The following MEGF10 variants were observed in gnomAD, a reference collection of about 807,000 sequenced individuals.
MEGF10 encodes the protein multiple EGF like domains 10, also known as multiple epidermal growth factor-like domains protein 10.
MEGF10 carries 86 observed loss-of-function variants against 147.5 expected under a neutral mutation model. The ratio of observed to expected loss-of-function variants is 0.58; its 90% confidence interval spans 0.49 to 0.70. MEGF10 has a LOEUF of 0.70. MEGF10 is among the 30% of genes least tolerant of loss of function. MEGF10 has a pLI of 0.00. For missense variants in MEGF10, 1,329 were observed against 1,487.3 expected (o/e 0.89, Z 1.75); for synonymous variants, 478 against 525.5 (o/e 0.91, Z 1.24).
At chr5:127,345,075 T>C (rs766005740) in intron 4 of MEGF10, among the ~76,000 whole-genome samples, 2 of 152,200 alleles carry the variant, frequency 1.3e-5, no homozygotes, top group African/African-American at 2.4e-5. Flanking sequence ...TAGTCTTTCA[T>C]GTAGATTCAC....
At chr5:127,247,349 A>G in the MEGF10 span, among the ~76,000 whole-genome samples, 3 of 1,982 alleles carry the variant, frequency 1.5e-3, no homozygotes, top group African/African-American at 2.0e-3. Context: ...AAGAAGAAGA[A>G]GAAGAAGAAG....
chr5:127,391,250 G>T (rs1763681338), intron 5 of MEGF10, among the ~76,000 whole-genome samples: 1 of 151,830 alleles, frequency 6.6e-6, no homozygotes, highest in Non-Finnish European at 1.5e-5. Flanking sequence ...ATAAGGATGT[G>T]GTAATTTACT....
intron 5 of MEGF10, among the ~76,000 whole-genome samples, chr5:127,381,934 G>C (rs1268295183): frequency 6.6e-6 from 1 of 152,212 alleles, no homozygotes; most frequent in African/African-American, 2.4e-5. Flanking sequence ...GCCTCCCAAA[G>C]TGTTGGGATT....
the MEGF10 span, among the ~76,000 whole-genome samples, chr5:127,265,676 A>G: frequency 1.3e-5 from 2 of 152,080 alleles, no homozygotes; most frequent in Admixed American, 1.3e-4. Flanking sequence ...GCCAGTGGTG[A>G]TGAGCATTTT....
chr5:127,391,969 G>A (rs938914870), intron 5 of MEGF10, among the ~76,000 whole-genome samples: 3 of 152,148 alleles, frequency 2.0e-5, no homozygotes, highest in African/African-American at 7.2e-5. Flanking sequence ...TTCAAGATCA[G>A]CCTGGGCAAC....
intron 4 of MEGF10, among the ~76,000 whole-genome samples, chr5:127,351,427 A>G (rs1414556483): frequency 2.6e-5 from 4 of 152,178 alleles, no homozygotes; most frequent in African/African-American, 9.7e-5. Flanking sequence ...ACATCTAAAT[A>G]ATAATCTTAT....
At chr5:127,454,679 A>T in intron 23 of MEGF10, 69 bp downstream of exon 23, 1 of 1,390,508 alleles carries the variant, frequency 7.2e-7, no homozygotes, top group Non-Finnish European at 1.0e-6. Context: ...AGACTGAAAT[A>T]GTTTTTAAAC....
chr5:127,449,163 G>A lies in MEGF10; in HGVS notation c.2921G>A (p.Gly974Glu). 1 of 1,614,072 alleles carries A rather than the reference G, an allele frequency of 6.2e-7. No individual in the cohort carries two copies. Among genetic ancestry groups the A allele is most frequent in the Non-Finnish European group, 8.5e-7 (1 of 1,179,954 alleles). The change falls in exon 22 of 25, where the codon GGG (glycine) becomes GAG (glutamate). Residue 974 changes from glycine (G) to glutamate (E), a missense_variant. Coordinates refer to ENST00000503335, the MANE Select transcript of MEGF10 (RefSeq NM_001256545.2). ...AACCCTGGGAAGAGAGGCCCTGTGGGGGACTGCACTGGGACATTGCCGGCT... is the reference window on the plus strand; with the variant it reads ...AACCCTGGGAAGAGAGGCCCTGTGGAGGACTGCACTGGGACATTGCCGGCT... ...NVNPGKRGPV[G>E]DCTGTLPADW...
rs527345235 is a variant in MEGF10, at chr5:127,458,398, T to C, written c.*1080T>C. 23 of 152,334 alleles carry C rather than the reference T, an allele frequency of 1.5e-4. 1 individual carries two copies. The South Asian group carries it at 4.8e-3, about 32-fold the overall frequency. 9.4% of individuals were successfully genotyped at this position (152,334 alleles called of 1,614,324 possible). ...TTTAGAGAAACTATGCTTAAGCTGG[T>C]CTTTTGCATTGCTAATGTGACATGT... On this transcript the variant is annotated 3_prime_UTR_variant, in exon 25 of 25. Coordinates refer to ENST00000503335, the MANE Select transcript of MEGF10 (RefSeq NM_001256545.2).
In MEGF10 at chr5:127,335,197, T is replaced by C. The variant is rs563218687; in HGVS notation, c.116+3773T>C. ...ATTCCAGTTTCCCACTCCTTGTCTG[T>C]TTTAGAAGCTTTAAATGTTCTATAG... On this transcript the variant is annotated intron_variant, in intron 2 of 24. Coordinates refer to ENST00000503335, the MANE Select transcript of MEGF10 (RefSeq NM_001256545.2). 7.3e-4 allele frequency among the ~76,000 whole-genome samples: 111 copies of C among 152,284 alleles called. 1 individual carries two copies. Among genetic ancestry groups the C allele is most frequent in the African/African-American group, 2.6e-3 (108 of 41,570 alleles).
At chr5:127,371,859 A>C (rs1375096526) in intron 5 of MEGF10, among the ~76,000 whole-genome samples, 1 of 152,212 alleles carries the variant, frequency 6.6e-6, no homozygotes, top group Non-Finnish European at 1.5e-5. Flanking sequence ...TTTTGGCTTT[A>C]TGATGAACAA....
chr5:127,422,867 CT>C (rs1482158147), intron 13 of MEGF10, 95 bp downstream of exon 13: 1 of 893,384 alleles, frequency 1.1e-6, no homozygotes, highest in Non-Finnish European at 1.8e-6. Context: ...CACCAGTCAA[CT>C]TTTCAAAAAA....
At chr5:127,281,977 G>C in the MEGF10 span, among the ~76,000 whole-genome samples, 1 of 152,164 alleles carries the variant, frequency 6.6e-6, no homozygotes, top group East Asian at 1.9e-4. Context: ...AGGCATTTTT[G>C]CCTCACCAAA....
chr5:127,268,630 C>G, the MEGF10 span, among the ~76,000 whole-genome samples: 2 of 152,238 alleles, frequency 1.3e-5, no homozygotes, highest in Non-Finnish European at 2.9e-5. Context: ...CTCAAGGAGG[C>G]CTGCCTGCCT....
the MEGF10 span, among the ~76,000 whole-genome samples, chr5:127,249,863 C>G: frequency 6.6e-6 from 1 of 152,034 alleles, no homozygotes; most frequent in Non-Finnish European, 1.5e-5. Context: ...TCCAAGATGT[C>G]ATCTTGAATA....
intron 17 of MEGF10, among the ~76,000 whole-genome samples, chr5:127,440,159 T>C (rs1765702553): frequency 6.6e-6 from 1 of 152,236 alleles, no homozygotes; most frequent in African/African-American, 2.4e-5. Flanking sequence ...TTGAAAATCA[T>C]GCAGCAGTGT....
the MEGF10 span, among the ~76,000 whole-genome samples, chr5:127,247,415 A>G: frequency 4.2e-4 from 34 of 81,822 alleles, no homozygotes; most frequent in African/African-American, 8.4e-4. Flanking sequence ...AAGAAGAAGA[A>G]GAAGAAGAAG....
chr5:127,428,114 A>G (rs1240110803), intron 13 of MEGF10, among the ~76,000 whole-genome samples: 2 of 150,022 alleles, frequency 1.3e-5, no homozygotes, highest in African/African-American at 4.9e-5. Flanking sequence ...ATCTGGGTCC[A>G]GACTGAGGCA....
At chr5:127,383,503 T>C (rs1424074612) in intron 5 of MEGF10, among the ~76,000 whole-genome samples, 1 of 152,082 alleles carries the variant, frequency 6.6e-6, no homozygotes, top group Admixed American at 6.5e-5. Context: ...CTCAATATCA[T>C]AATATTGGGT....
Sources: gnomAD v4.1 joint callset for allele counts (sites outside exome capture counted in the v4.1 genomes callset) on GRCh38, gnomAD v4.1.1 for gene constraint, MANE v1.5 for transcripts, NCBI Gene and HGNC (gene_info 2026-07-23, HGNC 2026-07-21) for gene names.